The following GIP variants were observed in gnomAD, a reference collection of about 807,000 sequenced individuals.
The protein encoded by GIP is glucose-dependent insulinotropic polypeptide.
GIP carries 16 observed loss-of-function variants against 18.1 expected under a neutral mutation model. The ratio of observed to expected loss-of-function variants is 0.88; its 90% CI spans 0.60 to 1.34. The LOEUF (loss-of-function observed/expected upper bound fraction) is 1.34, where lower values mean the gene tolerates loss of function less well. Among genes scored for constraint, GIP ranks in the 40% most tolerant of loss-of-function variants. The pLI, the probability that GIP is intolerant of heterozygous loss-of-function variation, is 0.00. For synonymous variants in GIP, 76 were observed against 74.0 expected (o/e 1.03, Z -0.14); for missense variants, 192 against 183.4 (o/e 1.05, Z -0.27).
At chr17:48,961,907 C>T in intron 3 of GIP, 88 bp from the exon 4 acceptor site, 1 of 896,344 alleles carries the variant, frequency 1.1e-6, no homozygotes, top group Non-Finnish European at 1.8e-6. Flanking sequence ...ACCCCAAAAG[C>T]AGAGGGTACC....
rs755522472 is a variant in GIP, at chr17:48,964,341, A to C, written c.226T>G (p.Trp76Gly). ...DKIHQQDFVN[W>G]LLAQKGKKND... ...TTCTTCCCCTTTTGGGCCAGCAGCC[A>C]GTTCACAAAGTCTTGTTGGTGAATC... is the stretch of plus-strand genomic sequence containing the variant. The change falls in exon 3 of 6, where the codon TGG (tryptophan) becomes GGG (glycine). Residue 76 changes from tryptophan (W) to glycine (G), a missense_variant. Coordinates refer to ENST00000357424, the MANE Select transcript of GIP (RefSeq NM_004123.3). 5.6e-6 allele frequency: 9 copies of C among 1,613,812 alleles called. No homozygotes were observed. The highest frequency in any genetic ancestry group is 7.6e-6 in the Non-Finnish European group (9 of 1,179,864).
In GIP at chr17:48,961,747, C is replaced by CTCCTCCT. The variant is rs780738890; in HGVS notation, c.323_329dup (p.Glu111GlyfsTer18). On this transcript the variant is annotated frameshift_variant, in exon 4 of 6. Coordinates refer to ENST00000357424, the MANE Select transcript of GIP (RefSeq NM_004123.3). LOFTEE classifies it high-confidence loss of function. ...CTCACCTCTGTGGCTCCACTGCCTC[C>CTCCTCCT]TCCTCCTTCCTATTAGCTTGACTGG... 96 of 1,611,206 alleles carry CTCCTCCT rather than the reference C, an allele frequency of 6.0e-5. No individual in the cohort carries two copies. The highest frequency in any genetic ancestry group is 7.6e-5 in the Non-Finnish European group (89 of 1,178,656).
At chr17:48,967,534 AT>A (rs1423299511) in intron 1 of GIP, among the ~76,000 whole-genome samples, 3 of 151,028 alleles carry the variant, frequency 2.0e-5, no homozygotes, top group Non-Finnish European at 4.4e-5. Context: ...TAATTTTTGT[AT>A]TTTTAGTAGA....
intron 3 of GIP, 136 bp from the exon 4 acceptor site, chr17:48,961,955 T>C: frequency 1.5e-6 from 1 of 659,538 alleles, no homozygotes; most frequent in Non-Finnish European, 2.7e-6. Flanking sequence ...GGTCTTCAGC[T>C]GCCTCCACCA....
chr17:48,958,741 G>A (rs1297180913), intron 5 of GIP, 25 bp from the exon 6 acceptor site: 1 of 1,571,876 alleles, frequency 6.4e-7, no homozygotes, highest in Non-Finnish European at 8.6e-7. Flanking sequence ...GAAAGGAGAA[G>A]AAGGTTGTTA....
In GIP at chr17:48,958,634, C is replaced by G. The variant is rs886484344; in HGVS notation, c.*73G>C. On this transcript the variant is annotated 3_prime_UTR_variant, in exon 6 of 6. Coordinates refer to ENST00000357424, the MANE Select transcript of GIP (RefSeq NM_004123.3). ...ACTTTATTGGTTTGGGTTCTCTTGG[C>G]TATTCTGGAGTGGGGCTGAGGCAGG... 10 of 1,252,886 alleles carry G rather than the reference C, an allele frequency of 8.0e-6. No individual in the cohort carries two copies. The Admixed American group carries it at 1.6e-4, about 21-fold the overall frequency. 77.6% of individuals were successfully genotyped at this position (1,252,886 alleles called of 1,614,324 possible).
At chr17:48,961,870 G>A in intron 3 of GIP, 51 bp from the exon 4 acceptor site, 1 of 1,287,626 alleles carries the variant, frequency 7.8e-7, no homozygotes, top group Non-Finnish European at 1.1e-6. Context: ...CTCCAGTCTA[G>A]GGACACTTGA....
intron 2 of GIP, among the ~76,000 whole-genome samples, chr17:48,966,354 G>A (rs2041235991): frequency 1.3e-5 from 2 of 148,678 alleles, no homozygotes; most frequent in Non-Finnish European, 1.5e-5. Flanking sequence ...TCAGGAGTTC[G>A]AGACCAGCCT....
At chr17:48,965,411 T>C (rs2041230733) in intron 2 of GIP, among the ~76,000 whole-genome samples, 1 of 149,632 alleles carries the variant, frequency 6.7e-6, no homozygotes, top group South Asian at 2.1e-4. Flanking sequence ...GAGACCATCC[T>C]GGCTAACATG....
intron 3 of GIP, among the ~76,000 whole-genome samples, 172 bp from the exon 4 acceptor site, chr17:48,961,991 T>C (rs1162469689): frequency 6.6e-6 from 1 of 152,148 alleles, no homozygotes; most frequent in Non-Finnish European, 1.5e-5. Flanking sequence ...GAATCTACCG[T>C]GCTGACCAGA....
rs986702886 is a variant in GIP, at chr17:48,965,307, A to T, written c.87-827T>A. Among the ~76,000 whole-genome samples, 4 of 1,606 alleles carry T rather than the reference A, an allele frequency of 2.5e-3. No homozygotes were observed. In the Non-Finnish European group the frequency reaches 0.11, roughly 42 times the overall value. 1.1% of individuals were successfully genotyped at this position (1,606 alleles called of 152,430 possible). ...CAAGAGCAAAACTTCGTCTCAATAA[A>T]AAAAAAAAAAAAAAAGGCTGGGTGC... On this transcript the variant is annotated intron_variant, in intron 2 of 5. Coordinates refer to ENST00000357424, the MANE Select transcript of GIP (RefSeq NM_004123.3).
At chr17:48,962,588 C>A (rs1249746424) in intron 3 of GIP, among the ~76,000 whole-genome samples, 1 of 150,620 alleles carries the variant, frequency 6.6e-6, no homozygotes, top group East Asian at 2.0e-4. Flanking sequence ...AGGAGGGCCT[C>A]AAGCTCCTGA....
At chr17:48,961,041 G>C in intron 4 of GIP, 54 bp from the exon 5 acceptor site, 1 of 1,255,616 alleles carries the variant, frequency 8.0e-7, no homozygotes, top group Non-Finnish European at 1.1e-6. Flanking sequence ...CGCCCAGAGA[G>C]GGTAAACACA....
chr17:48,958,854 TAC>T, intron 5 of GIP, 138 bp from the exon 6 acceptor site: 12 of 602,776 alleles, frequency 2.0e-5, no homozygotes, highest in South Asian at 2.2e-5. Context: ...TTTATCAATT[TAC>T]TTTTTTTTTT....
Position 48,964,299 on chromosome 17 carries a change from C to T in GIP, c.257+11G>A. ...GCACAGGGAACAGGAGGAGTGTAAG[C>T]AGCGACTCACTCATTCTTCTTCCCC... On this transcript the variant is annotated intron_variant, in intron 3 of 5. Coordinates refer to ENST00000357424, the MANE Select transcript of GIP (RefSeq NM_004123.3). 1.2e-6 allele frequency: 2 copies of T among 1,609,710 alleles called. No homozygotes were observed. The highest frequency in any genetic ancestry group is 2.2e-5 in the East Asian group (1 of 44,870).
At chr17:48,960,741 T>A in intron 5 of GIP, 145 bp downstream of exon 5, 1 of 634,574 alleles carries the variant, frequency 1.6e-6, no homozygotes, top group Middle Eastern at 2.5e-4. Context: ...TCCTGTGAAA[T>A]GATTCTATAC....
At chr17:48,962,337 C>T (rs2143847545) in intron 3 of GIP, among the ~76,000 whole-genome samples, 1 of 152,260 alleles carries the variant, frequency 6.6e-6, no homozygotes, top group South Asian at 2.1e-4. Context: ...GCTGGGATTA[C>T]AGGTGTGAGC....
chr17:48,966,054 T>C (rs1272122140), intron 2 of GIP, among the ~76,000 whole-genome samples: 1 of 151,774 alleles, frequency 6.6e-6, no homozygotes, highest in Admixed American at 6.6e-5. Context: ...GGTCAGGAGT[T>C]CAAGACCAGC....
At chr17:48,961,627 T>C (rs978456122) in intron 4 of GIP, 100 bp downstream of exon 4, 43 of 724,470 alleles carry the variant, frequency 5.9e-5, no homozygotes, top group Non-Finnish European at 7.1e-6. Flanking sequence ...GATGCTTATC[T>C]CAGGTCCTTG....
Sources: gnomAD v4.1 joint callset for allele counts (sites outside exome capture counted in the v4.1 genomes callset) on GRCh38, gnomAD v4.1.1 for gene constraint, MANE v1.5 for transcripts, NCBI Gene and HGNC (gene_info 2026-07-23, HGNC 2026-07-21) for gene names.